Variants in ABCB10 observed in about 807,000 individuals in gnomAD.
The protein encoded by ABCB10 is ATP binding cassette subfamily B member 10.
ABCB10 carries 54 observed loss-of-function variants against 65.4 expected under a neutral mutation model. The ratio of observed to expected loss-of-function variants is 0.83; its 90% CI spans 0.66 to 1.04. ABCB10 has a LOEUF of 1.04. ABCB10 is among the 50% of genes least tolerant of loss of function. The probability of loss-of-function intolerance (pLI) is 0.00; values close to 1 mark genes in which losing one functional copy is unlikely to be tolerated. For missense variants in ABCB10, 846 were observed against 976.6 expected, an observed-to-expected ratio of 0.87 and a Z score of 1.78; for synonymous variants, 418 against 406.5, an observed-to-expected ratio of 1.03 and a Z score of -0.34.
At chr1:229,529,486 C>A (rs566554659) in intron 8 of ABCB10, among the ~76,000 whole-genome samples, 61 of 149,216 alleles carry the variant, frequency 4.1e-4, no homozygotes, top group African/African-American at 1.5e-3. Context: ...CTGGCTAACA[C>A]GGTGAAACCC....
intron 10 of ABCB10, among the ~76,000 whole-genome samples, chr1:229,523,961 C>A (rs991147592): frequency 1.3e-5 from 2 of 151,800 alleles, no homozygotes; most frequent in African/African-American, 4.8e-5. Context: ...ATCAAAGACG[C>A]CTTTTCATCT....
At chr1:229,537,208 G>A (rs348330) in intron 6 of ABCB10, among the ~76,000 whole-genome samples, 72,727 of 152,082 alleles carry the variant, frequency 0.48, 20,655 homozygotes, top group Non-Finnish European at 0.64. Context: ...AATGGTTTGG[G>A]AACTAGATGG....
intron 1 of ABCB10, among the ~76,000 whole-genome samples, chr1:229,556,084 T>G (rs945429088): frequency 1.3e-5 from 2 of 151,530 alleles, no homozygotes; most frequent in Non-Finnish European, 2.9e-5. Flanking sequence ...GTTCTTAAAA[T>G]AAAAAGAAGG....
chr1:229,539,823 G>A (rs973142633), intron 5 of ABCB10, among the ~76,000 whole-genome samples: 39 of 152,290 alleles, frequency 2.6e-4, no homozygotes, highest in African/African-American at 8.7e-4. Flanking sequence ...ATCAGATCCT[G>A]ATTTTATCCC....
chr1:229,531,952 T>TTTTC (rs1175407849), intron 6 of ABCB10: 7 of 352,736 alleles, frequency 2.0e-5, no homozygotes, highest in African/African-American at 1.6e-4. Context: ...TCATAGTTTT[T>TTTTC]TTTTTTTTTT....
chr1:229,530,751 T>C (rs1344570506), intron 7 of ABCB10, among the ~76,000 whole-genome samples: 5 of 152,220 alleles, frequency 3.3e-5, no homozygotes, highest in African/African-American at 1.2e-4. Flanking sequence ...AGATCCACCC[T>C]TGTTAGTCTG....
intron 1 of ABCB10, 51 bp from the exon 2 acceptor site, chr1:229,549,485 G>A (rs1207780680): frequency 1.3e-6 from 2 of 1,538,476 alleles, no homozygotes; most frequent in East Asian, 2.4e-5. Context: ...CAAAGGGGCT[G>A]CGGTGCTGAG....
At chr1:229,521,101 G>A (rs946413958) in intron 11 of ABCB10, among the ~76,000 whole-genome samples, 1 of 151,658 alleles carries the variant, frequency 6.6e-6, no homozygotes, top group Non-Finnish European at 1.5e-5. Flanking sequence ...AGCCTGAGAA[G>A]AACAGTTGTA....
At chr1:229,543,656 T>C (rs1179950645) in intron 3 of ABCB10, among the ~76,000 whole-genome samples, 2 of 152,052 alleles carry the variant, frequency 1.3e-5, no homozygotes, top group African/African-American at 4.8e-5. Context: ...GAGACTTAGA[T>C]AATAAACAAG....
At chr1:229,541,595 C>A (rs1246993388) in intron 4 of ABCB10, among the ~76,000 whole-genome samples, 3 of 152,118 alleles carry the variant, frequency 2.0e-5, no homozygotes, top group Non-Finnish European at 4.4e-5. Flanking sequence ...TAATGAAACA[C>A]TTATCTAGTA....
chr1:229,527,396 A>C, intron 8 of ABCB10, 88 bp from the exon 9 acceptor site: 1 of 1,192,538 alleles, frequency 8.4e-7, no homozygotes, highest in East Asian at 2.4e-5. Context: ...AAAATTCCAG[A>C]CTCATTTTTT....
At chr1:229,542,021 T>C (rs991610436) in intron 4 of ABCB10, among the ~76,000 whole-genome samples, 2 of 151,004 alleles carry the variant, frequency 1.3e-5, no homozygotes, top group Admixed American at 6.6e-5. Context: ...CTCCATAAAA[T>C]GTTTAGTGAA....
chr1:229,558,359 GC>G lies in ABCB10; in HGVS notation c.293del (p.Gly98AlafsTer114). On this transcript the variant is annotated frameshift_variant, in exon 1 of 13. Coordinates refer to ENST00000344517, the MANE Select transcript of ABCB10 (RefSeq NM_012089.3). LOFTEE classifies it high-confidence loss of function. The stretch of plus-strand genomic sequence containing the variant: ...CGGCAAAAGCCCCGCACCTGCAGCT[GC>G]CGGGGCCGCGAGCCCACAGCCCCAG... ...RLLGLWARGP[G>X]SCRCGAFAGP... is the part of the protein sequence containing the mutation. 1 of 1,251,988 alleles carries G rather than the reference GC, an allele frequency of 8.0e-7. No homozygotes were observed. The highest frequency in any genetic ancestry group is 1.0e-6 in the Non-Finnish European group (1 of 986,956). The allele number at this position is 1,251,988 out of a possible 1,614,324, so 77.6% of individuals were successfully genotyped here.
chr1:229,541,137 G>A (rs960237630), intron 4 of ABCB10, among the ~76,000 whole-genome samples: 5 of 152,156 alleles, frequency 3.3e-5, no homozygotes, highest in Admixed American at 6.5e-5. Flanking sequence ...AGGATTATGC[G>A]TGTTTTTGTT....
Position 229,541,951 on chromosome 1 carries a change from CA to C in ABCB10, c.1056+285del, listed in dbSNP as rs1180453323. Reference sequence around the variant, plus strand: ...AAAACTTTTCTCATGTACCTTGTCTCAAAAAAAAAAAACAAAAAAAAAAAGA... The same window carrying C: ...AAAACTTTTCTCATGTACCTTGTCTCAAAAAAAAAAACAAAAAAAAAAAGA... On this transcript the variant is annotated intron_variant, in intron 4 of 12. Transcript: ENST00000344517. 5.9e-3 allele frequency among the ~76,000 whole-genome samples: 407 copies of C among 68,698 alleles called. 10 individuals are homozygous for C. In the East Asian group the frequency reaches 0.11, roughly 19 times the overall value. 45.1% of individuals were successfully genotyped at this position (68,698 alleles called of 152,430 possible).
intron 2 of ABCB10, among the ~76,000 whole-genome samples, 167 bp downstream of exon 2, chr1:229,549,067 A>G (rs1305305958): frequency 6.6e-6 from 1 of 152,194 alleles, no homozygotes; most frequent in Non-Finnish European, 1.5e-5. Flanking sequence ...AATAATCTGT[A>G]ACTCCAACAT....
chr1:229,554,410 A>C lies in ABCB10; in HGVS notation c.517+3726T>G, dbSNP rs555629220. On this transcript the variant is annotated intron_variant, in intron 1 of 12. Transcript: ENST00000344517. Reference sequence around the variant, plus strand: ...TAGAGTTAGGAGTATCCCAAAGACAAAATTAAAATAAAACAGTTAGGGGTA... The same window carrying C: ...TAGAGTTAGGAGTATCCCAAAGACACAATTAAAATAAAACAGTTAGGGGTA... 1.2e-4 allele frequency among the ~76,000 whole-genome samples: 18 copies of C among 152,292 alleles called. No individual in the cohort carries two copies. In the South Asian group the frequency reaches 3.7e-3, roughly 32 times the overall value.
At chr1:229,550,491 C>T (rs1442171536) in intron 1 of ABCB10, among the ~76,000 whole-genome samples, 1 of 137,626 alleles carries the variant, frequency 7.3e-6, no homozygotes, top group African/African-American at 2.9e-5. Context: ...TGCCACTGCA[C>T]TCCAGCCTGG....
rs143176242 is a variant in ABCB10, at chr1:229,522,784, G to A, written c.1907-1149C>T. Among the ~76,000 whole-genome samples the A allele has an allele frequency of 3.3e-5, 5 of 152,348 alleles. No homozygotes were observed. The East Asian group carries it at 9.6e-4, about 29-fold the overall frequency. On this transcript the variant is annotated intron_variant, in intron 10 of 12. Coordinates refer to ENST00000344517, the MANE Select transcript of ABCB10 (RefSeq NM_012089.3). Reference sequence around the variant, plus strand: ...GCAGTTTCCAAAGAACACTTGAAATGTCTGGGAGCAAAGGACATCAGTGGT... The same window carrying A: ...GCAGTTTCCAAAGAACACTTGAAATATCTGGGAGCAAAGGACATCAGTGGT...
Sources: allele counts gnomAD v4.1 joint callset (sites outside exome capture counted in the v4.1 genomes callset), GRCh38; gene constraint gnomAD v4.1.1; transcripts MANE v1.5; gene names NCBI Gene and HGNC (gene_info 2026-07-23, HGNC 2026-07-21).